The following TMEM117 variants were observed in gnomAD, a reference collection of about 807,000 sequenced individuals.
The protein encoded by TMEM117 is transmembrane protein 117.
In TMEM117, 27 loss-of-function variants were observed where a neutral mutation model predicts 52.4. The observed-to-expected ratio is 0.51, with a 90% CI of 0.38 to 0.71. TMEM117 has a LOEUF of 0.71. Among genes scored for constraint, TMEM117 ranks in the 30% least tolerant of loss-of-function variants. TMEM117 has a pLI of 0.00. For missense variants in TMEM117, 556 were observed against 630.5 expected (o/e 0.88, Z 1.26); for synonymous variants, 215 against 206.3 (o/e 1.04, Z -0.36).
chr12:44,391,982 A>G (rs1443500517), downstream of TMEM117, among the ~76,000 whole-genome samples: 1 of 152,142 alleles, frequency 6.6e-6, no homozygotes, highest in Non-Finnish European at 1.5e-5. Context: ...TTGAGACAGC[A>G]AGAGCAACTC....
chr12:44,358,477 G>A (rs926794798), intron 6 of TMEM117, among the ~76,000 whole-genome samples: 2 of 152,066 alleles, frequency 1.3e-5, no homozygotes, highest in African/African-American at 4.8e-5. Flanking sequence ...TATGCTAAAT[G>A]ACCTCTAATT....
intron 3 of TMEM117, among the ~76,000 whole-genome samples, chr12:43,949,424 G>A (rs1459307208): frequency 6.6e-6 from 1 of 152,190 alleles, no homozygotes; most frequent in East Asian, 1.9e-4. Context: ...TGCTGCATGT[G>A]CAGTGTGTTT....
intron 5 of TMEM117, among the ~76,000 whole-genome samples, chr12:44,212,410 A>G (rs1009078909): frequency 6.6e-6 from 1 of 152,204 alleles, no homozygotes; most frequent in African/African-American, 2.4e-5. Context: ...CCAAAGCACA[A>G]GAGTATTGAT....
chr12:44,291,374 GTTTTTTTTTT>G (rs1185340451), intron 5 of TMEM117, among the ~76,000 whole-genome samples: 1 of 71,456 alleles, frequency 1.4e-5, no homozygotes, highest in African/African-American at 5.8e-5. Flanking sequence ...AGTTCTAACA[GTTTTTTTTTT>G]TTTTTTTTTT....
chr12:44,334,806 C>G (rs570754234), intron 6 of TMEM117, among the ~76,000 whole-genome samples: 1 of 151,976 alleles, frequency 6.6e-6, no homozygotes, highest in East Asian at 1.9e-4. Context: ...AGTACTGTTT[C>G]ATGAGTATCT....
At chr12:44,230,964 CAT>C (rs574883726) in intron 5 of TMEM117, among the ~76,000 whole-genome samples, 23 of 152,086 alleles carry the variant, frequency 1.5e-4, no homozygotes, top group Admixed American at 7.2e-4. Flanking sequence ...CACATACACA[CAT>C]GTGTTAAAAA....
intron 5 of TMEM117, chr12:44,263,710 G>A (rs921162230): frequency 6.6e-6 from 1 of 152,012 alleles, no homozygotes; most frequent in South Asian, 2.1e-4. Context: ...AGATAAGAGG[G>A]GTAATTAGCC....
chr12:43,969,279 G>A (rs1311252948), intron 3 of TMEM117, among the ~76,000 whole-genome samples: 1 of 149,068 alleles, frequency 6.7e-6, no homozygotes, highest in Non-Finnish European at 1.5e-5. Flanking sequence ...CCAGCACTTC[G>A]GGAGACTGAG....
At chr12:44,398,436 G>T in the TMEM117 span, among the ~76,000 whole-genome samples, 1 of 152,286 alleles carries the variant, frequency 6.6e-6, no homozygotes, top group South Asian at 2.1e-4. Flanking sequence ...AAGCTGGGAC[G>T]TCAACCAGTT....
intron 5 of TMEM117, among the ~76,000 whole-genome samples, chr12:44,289,613 C>T (rs1438508797): frequency 2.1e-5 from 3 of 142,166 alleles, no homozygotes; most frequent in Non-Finnish European, 1.5e-5. Context: ...AGTGCAGTGG[C>T]ACAATCTCAG....
chr12:44,006,103 C>T (rs913022061), intron 3 of TMEM117, among the ~76,000 whole-genome samples: 1 of 152,174 alleles, frequency 6.6e-6, no homozygotes, highest in African/African-American at 2.4e-5. Flanking sequence ...TCCCTTTAGG[C>T]CCTGCAGCAG....
At chr12:43,834,994 A>G (rs1449767703), upstream of TMEM117, among the ~76,000 whole-genome samples, 1 of 152,194 alleles carries the variant, frequency 6.6e-6, no homozygotes, top group African/African-American at 2.4e-5. Flanking sequence ...CTACCAGTAC[A>G]GGGGAGGGCC....
At chr12:44,347,691 G>T (rs943530585) in intron 6 of TMEM117, among the ~76,000 whole-genome samples, 21 of 152,098 alleles carry the variant, frequency 1.4e-4, no homozygotes, top group African/African-American at 5.1e-4. Context: ...ACTAACAGAG[G>T]TGATTTTCTT....
intron 3 of TMEM117, among the ~76,000 whole-genome samples, chr12:44,074,426 T>A (rs889671357): frequency 1.3e-5 from 2 of 152,146 alleles, no homozygotes; most frequent in Non-Finnish European, 2.9e-5. Context: ...CTATGGAAAT[T>A]AAATTTACGA....
At chr12:44,062,511 T>C (rs1161929883) in intron 3 of TMEM117, among the ~76,000 whole-genome samples, 2 of 152,248 alleles carry the variant, frequency 1.3e-5, no homozygotes, top group Admixed American at 1.3e-4. Context: ...CCAAATATGA[T>C]TAATTTTCCC....
chr12:44,369,886 C>T (rs1371741517), intron 6 of TMEM117, among the ~76,000 whole-genome samples: 3 of 152,132 alleles, frequency 2.0e-5, no homozygotes, highest in Non-Finnish European at 2.9e-5. Flanking sequence ...AAGGGAAAAA[C>T]AACAGTGAAT....
rs1952119693 is a variant in TMEM117, at chr12:44,388,250, G to A, written c.1123G>A (p.Val375Ile). ...TAACCCTCGGACTAATAAAACATAT[G>A]TTGAGGGAGACATGTTCTTACACAG... ...HTNPRTNKTY[V>I]EGDMFLHSRF... Residue 375 changes from valine (V) to isoleucine (I), a missense_variant, in exon 8 of 8, where the codon GTT (valine) becomes ATT (isoleucine). Around this residue, in one of 3 missense-constraint regions of TMEM117, gnomAD observed 206 missense variants for 211.1 expected, o/e 0.98. Coordinates refer to ENST00000266534, the MANE Select transcript of TMEM117 (RefSeq NM_032256.3). 1 of 1,613,460 alleles carries A rather than the reference G, an allele frequency of 6.2e-7. No homozygotes were observed. Among genetic ancestry groups the A allele is most frequent in the Non-Finnish European group, 8.5e-7 (1 of 1,179,680 alleles).
intron 3 of TMEM117, among the ~76,000 whole-genome samples, chr12:44,085,981 C>T (rs908950292): frequency 6.6e-6 from 1 of 152,054 alleles, no homozygotes; most frequent in Non-Finnish European, 1.5e-5. Flanking sequence ...GGGAAGGATA[C>T]AGAGAATAGC....
chr12:44,255,234 A>T (rs537351035), intron 5 of TMEM117, among the ~76,000 whole-genome samples: 1 of 152,172 alleles, frequency 6.6e-6, no homozygotes, highest in South Asian at 2.1e-4. Flanking sequence ...GAATCACCAC[A>T]CTGACTTCCA....
Sources: gnomAD v4.1 joint callset for allele counts (sites outside exome capture counted in the v4.1 genomes callset) on GRCh38, gnomAD v4.1.1 for gene constraint, gnomAD v4.1.1 regional missense constraint, MANE v1.5 for transcripts, NCBI Gene and HGNC (gene_info 2026-07-23, HGNC 2026-07-21) for gene names.